The following DIP2A variants were observed in gnomAD, a reference collection of about 807,000 sequenced individuals.
The protein encoded by DIP2A is DIP2 acetate--CoA ligase A, also known as disco-interacting protein 2 homolog A.
Under a neutral mutation model 177.4 loss-of-function variants are expected in DIP2A, and 85 were observed. The ratio of observed to expected loss-of-function variants is 0.48; its 90% CI spans 0.40 to 0.57. The LOEUF is 0.57. Among genes scored for constraint, DIP2A ranks in the 20% least tolerant of loss-of-function variants. The probability of loss-of-function intolerance (pLI) is 0.00; values close to 1 mark genes in which losing one functional copy is unlikely to be tolerated. For synonymous variants in DIP2A, 886 were observed against 881.8 expected, an observed-to-expected ratio of 1.00 and a Z score of -0.08; for missense variants, 1,791 against 2,100.2, an observed-to-expected ratio of 0.85 and a Z score of 2.88.
At chr21:46,518,749 C>T (rs145154613) in intron 8 of DIP2A, among the ~76,000 whole-genome samples, 1,689 of 152,216 alleles carry the variant, frequency 0.011, 28 homozygotes, top group African/African-American at 0.038. Context: ...CCCAGCTACT[C>T]GGGAGGCTGA....
intron 36 of DIP2A, 146 bp downstream of exon 36, chr21:46,566,033 T>A: frequency 9.8e-7 from 1 of 1,022,010 alleles, no homozygotes; most frequent in Non-Finnish European, 1.4e-6. Context: ...GACAGCAGTT[T>A]TCTCTGAAAA....
chr21:46,465,348 A>G (rs901462166), intron 1 of DIP2A, among the ~76,000 whole-genome samples: 1 of 152,034 alleles, frequency 6.6e-6, no homozygotes, highest in Non-Finnish European at 1.5e-5. Flanking sequence ...TGGTTGGATC[A>G]CCTGAGGTCT....
chr21:46,510,875 C>A (rs1002826803), intron 7 of DIP2A, among the ~76,000 whole-genome samples: 1 of 152,128 alleles, frequency 6.6e-6, no homozygotes, highest in Non-Finnish European at 1.5e-5. Context: ...CCTCATGATC[C>A]ACCCGCCTCG....
intron 36 of DIP2A, 52 bp from the exon 37 acceptor site, chr21:46,566,508 G>T: frequency 6.2e-7 from 1 of 1,611,896 alleles, no homozygotes; most frequent in Non-Finnish European, 8.5e-7. Flanking sequence ...CGAATGTCCA[G>T]ACTCTGCATG....
At chr21:46,576,435 C>A in the DIP2A span, among the ~76,000 whole-genome samples, 1 of 152,152 alleles carries the variant, frequency 6.6e-6, no homozygotes, top group Admixed American at 6.5e-5. Flanking sequence ...CCATCCATCT[C>A]CCTGCAGAGA....
chr21:46,561,899 A>G (rs2060677891), intron 34 of DIP2A, 94 bp downstream of exon 34: 4 of 1,551,484 alleles, frequency 2.6e-6, no homozygotes, highest in South Asian at 1.2e-5. Flanking sequence ...TGCGGCTCTG[A>G]TGAACACAGG....
At chr21:46,476,294 A>G (rs1038725924) in intron 1 of DIP2A, among the ~76,000 whole-genome samples, 1 of 152,148 alleles carries the variant, frequency 6.6e-6, no homozygotes, top group African/African-American at 2.4e-5. Context: ...CTCTGGCTCA[A>G]TCTGACTAAC....
chr21:46,520,642 G>A (rs186635553), intron 8 of DIP2A, among the ~76,000 whole-genome samples: 14 of 152,302 alleles, frequency 9.2e-5, no homozygotes, highest in Admixed American at 3.3e-4. Context: ...ATGCCTTAGG[G>A]CAGCCTCTAC....
chr21:46,548,433 G>C (rs1344074948), intron 21 of DIP2A, among the ~76,000 whole-genome samples: 1 of 152,226 alleles, frequency 6.6e-6, no homozygotes, highest in Non-Finnish European at 1.5e-5. Context: ...CACTAGGGAA[G>C]AGCTGAGGAA....
intron 17 of DIP2A, among the ~76,000 whole-genome samples, chr21:46,540,442 T>C: frequency 6.6e-6 from 1 of 152,056 alleles, no homozygotes; most frequent in Middle Eastern, 3.2e-3. Flanking sequence ...CCTCATGTCA[T>C]GTTTCTCAGC....
At chr21:46,473,876 C>G (rs1003597060) in intron 1 of DIP2A, among the ~76,000 whole-genome samples, 2 of 152,182 alleles carry the variant, frequency 1.3e-5, no homozygotes, top group Non-Finnish European at 2.9e-5. Flanking sequence ...TACCCCCACA[C>G]AGCCCCACCT....
intron 2 of DIP2A, among the ~76,000 whole-genome samples, chr21:46,486,084 A>G (rs1394278347): frequency 2.2e-5 from 1 of 45,996 alleles, no homozygotes; most frequent in East Asian, 5.2e-4. Flanking sequence ...AAAAAAAAAA[A>G]AAAAAAAGAA....
chr21:46,515,145 C>T (rs540268409), intron 8 of DIP2A, among the ~76,000 whole-genome samples: 1 of 152,338 alleles, frequency 6.6e-6, no homozygotes, highest in Non-Finnish European at 1.5e-5. Context: ...GTATGCCTAG[C>T]TCACAGCCTC....
At chr21:46,508,107 C>T (rs1387997703) in intron 6 of DIP2A, among the ~76,000 whole-genome samples, 1 of 151,364 alleles carries the variant, frequency 6.6e-6, no homozygotes, top group Non-Finnish European at 1.5e-5. Context: ...GATCATGGCT[C>T]ACTGTAGCCT....
intron 1 of DIP2A, among the ~76,000 whole-genome samples, chr21:46,460,471 A>T (rs2054198755): frequency 6.6e-6 from 1 of 152,202 alleles, no homozygotes; most frequent in Admixed American, 6.5e-5. Flanking sequence ...AAATAATCTT[A>T]TTATCCTTAA....
At chr21:46,486,431 C>T (rs888236340) in intron 2 of DIP2A, among the ~76,000 whole-genome samples, 6 of 152,120 alleles carry the variant, frequency 3.9e-5, no homozygotes, top group East Asian at 1.9e-4. Flanking sequence ...TGACCTCAAG[C>T]GAGTTTTCTG....
At chr21:46,533,503 C>T (rs377267340) in intron 10 of DIP2A, 21 bp from the exon 11 acceptor site, 151 of 1,609,270 alleles carry the variant, frequency 9.4e-5, no homozygotes, top group Non-Finnish European at 1.2e-4. Flanking sequence ...CCACCCCACA[C>T]GGTCACTCTG....
At chr21:46,573,738 G>A (rs1444652533), downstream of DIP2A, among the ~76,000 whole-genome samples, 1 of 136,778 alleles carries the variant, frequency 7.3e-6, no homozygotes, top group Non-Finnish European at 1.6e-5. Context: ...TAATAATATA[G>A]TTTAAATAAA....
At chr21:46,532,854 A>C (rs1276424575) in intron 10 of DIP2A, among the ~76,000 whole-genome samples, 1 of 152,210 alleles carries the variant, frequency 6.6e-6, no homozygotes. Flanking sequence ...CAAGGCATGA[A>C]TTTGAGAAAA....
Sources: allele counts gnomAD v4.1 joint callset (sites outside exome capture counted in the v4.1 genomes callset), GRCh38; gene constraint gnomAD v4.1.1; transcripts MANE v1.5; gene names NCBI Gene and HGNC (gene_info 2026-07-23, HGNC 2026-07-21).